Variants in TEX36 observed in about 807,000 individuals in gnomAD.
TEX36 encodes testis-expressed protein 36.
In TEX36, 12 loss-of-function variants were observed where a neutral mutation model predicts 13.6. That is an observed-to-expected ratio of 0.88 (90% confidence interval 0.56 to 1.43). TEX36 has a LOEUF of 1.43. Ranked by LOEUF, TEX36 falls within the 40% of genes most tolerant of loss-of-function variation. The pLI is 0.00. For synonymous variants in TEX36, 93 were observed against 83.0 expected (o/e 1.12, Z -0.65); for missense variants, 224 against 228.3 (o/e 0.98, Z 0.12).
intron 1 of TEX36, among the ~76,000 whole-genome samples, chr10:125,674,138 T>C (rs2133609983): frequency 6.6e-6 from 1 of 152,322 alleles, no homozygotes; most frequent in South Asian, 2.1e-4. Flanking sequence ...TTTTTCTCTA[T>C]TCTTGTCTGC....
At chr10:125,659,126 C>G (rs952902769) in intron 3 of TEX36, among the ~76,000 whole-genome samples, 1 of 152,148 alleles carries the variant, frequency 6.6e-6, no homozygotes, top group African/African-American at 2.4e-5. Context: ...AAAAACCTTA[C>G]TCTAAAAAAT....
intron 3 of TEX36, among the ~76,000 whole-genome samples, chr10:125,606,333 T>C (rs1846215283): frequency 6.6e-6 from 1 of 152,254 alleles, no homozygotes; most frequent in Non-Finnish European, 1.5e-5. Context: ...AACAGGTAAT[T>C]ATACTTTGTG....
At chr10:125,665,514 G>A (rs545540294) in intron 1 of TEX36, among the ~76,000 whole-genome samples, 17 of 151,998 alleles carry the variant, frequency 1.1e-4, no homozygotes, top group Non-Finnish European at 1.8e-4. Flanking sequence ...CTGCTTCCCC[G>A]ATATAAGTTC....
chr10:125,648,589 G>T (rs1846807264), intron 3 of TEX36, among the ~76,000 whole-genome samples: 1 of 152,208 alleles, frequency 6.6e-6, no homozygotes, highest in African/African-American at 2.4e-5. Flanking sequence ...CTAAAAATCA[G>T]AGTGCCTCTT....
downstream of TEX36, among the ~76,000 whole-genome samples, chr10:125,654,315 G>A (rs932993483): frequency 3.9e-5 from 6 of 152,016 alleles, no homozygotes; most frequent in African/African-American, 7.2e-5. Flanking sequence ...ATTCAAAATA[G>A]CCATAGAATA....
chr10:125,659,041 G>A (rs377600786), intron 3 of TEX36, among the ~76,000 whole-genome samples: 3 of 152,000 alleles, frequency 2.0e-5, no homozygotes, highest in African/African-American at 4.8e-5. Flanking sequence ...AGGCAAATAC[G>A]TATCAGCAAA....
rs75020986 is a variant in TEX36 at position 125,666,503 on chromosome 10, C to T, written c.52-4526G>A. Among the ~76,000 whole-genome samples the T allele has an allele frequency of 4.9e-3, 752 of 152,172 alleles. 6 individuals carry two copies. The highest frequency in any genetic ancestry group is 0.017 in the African/African-American group (704 of 41,502). Reference sequence around the variant, plus strand: ...TTGTTGGTGTGATGTGTCATGTTTACGGATTTGTGTGTGTCGAAGCATCCT... The same window carrying T: ...TTGTTGGTGTGATGTGTCATGTTTATGGATTTGTGTGTGTCGAAGCATCCT... On this transcript the variant is annotated intron_variant, in intron 1 of 3. Coordinates refer to ENST00000368821, the MANE Select transcript of TEX36 (RefSeq NM_001128202.3).
At chr10:125,606,243 A>G (rs1233069279) in intron 3 of TEX36, among the ~76,000 whole-genome samples, 2 of 152,234 alleles carry the variant, frequency 1.3e-5, no homozygotes, top group African/African-American at 4.8e-5. Context: ...TTCAAGAACG[A>G]CAAGACATCA....
intron 1 of TEX36, among the ~76,000 whole-genome samples, chr10:125,682,698 C>T (rs765927988): frequency 1.3e-5 from 2 of 152,186 alleles, no homozygotes; most frequent in Non-Finnish European, 2.9e-5. Context: ...GGAATGACTG[C>T]TTAGTGGACA....
chr10:125,633,646 T>TC (rs1475830922), intron 3 of TEX36, among the ~76,000 whole-genome samples: 1 of 152,186 alleles, frequency 6.6e-6, no homozygotes, highest in East Asian at 1.9e-4. Flanking sequence ...CCTGCTTTTT[T>TC]CCCACTGAAC....
intron 3 of TEX36, among the ~76,000 whole-genome samples, chr10:125,579,002 C>T (rs1253456272): frequency 2.0e-5 from 3 of 152,218 alleles, no homozygotes; most frequent in Admixed American, 6.5e-5. Context: ...TTGGCACATG[C>T]TCATGCCTCT....
chr10:125,654,505 T>C (rs752672029), downstream of TEX36, among the ~76,000 whole-genome samples: 2 of 152,182 alleles, frequency 1.3e-5, no homozygotes, highest in Admixed American at 6.5e-5. Flanking sequence ...TTTGGGGAAA[T>C]GCCTATCACA....
intron 3 of TEX36, among the ~76,000 whole-genome samples, chr10:125,605,097 G>A (rs1846198892): frequency 6.6e-6 from 1 of 152,196 alleles, no homozygotes; most frequent in African/African-American, 2.4e-5. Flanking sequence ...CAAAAGGTTG[G>A]GGATGGCTGC....
intron 2 of TEX36, among the ~76,000 whole-genome samples, 188 bp downstream of exon 2, chr10:125,661,658 T>C (rs997077998): frequency 6.6e-5 from 10 of 152,174 alleles, no homozygotes; most frequent in Non-Finnish European, 5.9e-5. Context: ...TGATTGTCCA[T>C]AGCAGGAAGT....
intron 3 of TEX36, among the ~76,000 whole-genome samples, chr10:125,646,853 C>T (rs568594320): frequency 6.6e-6 from 1 of 152,274 alleles, no homozygotes; most frequent in South Asian, 2.1e-4. Flanking sequence ...CCAAGATTTG[C>T]ACCCGAAAAC....
chr10:125,598,202 G>A (rs1290234676), intron 3 of TEX36, among the ~76,000 whole-genome samples: 1 of 152,158 alleles, frequency 6.6e-6, no homozygotes, highest in African/African-American at 2.4e-5. Context: ...CACGTTCTCT[G>A]GCCTGTCTTT....
At chr10:125,681,581 A>G (rs911481476) in intron 1 of TEX36, among the ~76,000 whole-genome samples, 6 of 152,210 alleles carry the variant, frequency 3.9e-5, no homozygotes, top group African/African-American at 1.4e-4. Context: ...TCTATGTTAT[A>G]TGTGTTCTCA....
chr10:125,661,198 A>C, intron 2 of TEX36, 97 bp from the exon 3 acceptor site: 1 of 940,990 alleles, frequency 1.1e-6, no homozygotes. Flanking sequence ...GGATGAGGCA[A>C]AGCGACCTCT....
intron 3 of TEX36, among the ~76,000 whole-genome samples, chr10:125,609,041 G>A (rs567409943): frequency 1.7e-4 from 26 of 150,938 alleles, no homozygotes; most frequent in African/African-American, 3.4e-4. Context: ...ATGTGGTGGC[G>A]TGCACCTGTA....
Sources: allele counts gnomAD v4.1 joint callset (sites outside exome capture counted in the v4.1 genomes callset), GRCh38; gene constraint gnomAD v4.1.1; transcripts MANE v1.5; gene names NCBI Gene and HGNC (gene_info 2026-07-23, HGNC 2026-07-21).